Variants in KALRN observed in about 807,000 individuals in gnomAD.
KALRN encodes kalirin RhoGEF kinase.
Under a neutral mutation model 353.7 loss-of-function variants are expected in KALRN, and 70 were observed. The observed-to-expected ratio is 0.20, with a 90% CI of 0.16 to 0.24. KALRN has a LOEUF of 0.24. Among genes scored for constraint, KALRN ranks in the 10% least tolerant of loss-of-function variants. KALRN has a pLI of 1.00. For missense variants in KALRN, 2,791 were observed against 3,756.7 expected (o/e 0.74, Z 6.72); for synonymous variants, 1,391 against 1,434.8 (o/e 0.97, Z 0.69).
intron 3 of KALRN, among the ~76,000 whole-genome samples, chr3:124,256,837 C>G (rs779221335): frequency 6.6e-6 from 1 of 152,142 alleles, no homozygotes; most frequent in Admixed American, 6.6e-5. Context: ...GCAGAAACCT[C>G]GCAGTGATTT....
chr3:124,050,877 C>T (rs2040964103), intron 1 of KALRN, among the ~76,000 whole-genome samples: 1 of 152,186 alleles, frequency 6.6e-6, no homozygotes, highest in African/African-American at 2.4e-5. Flanking sequence ...TTGACGCTTT[C>T]TCTTTGCCTG....
chr3:124,610,421 G>A (rs1212083165), intron 34 of KALRN, among the ~76,000 whole-genome samples: 1 of 152,168 alleles, frequency 6.6e-6, no homozygotes, highest in East Asian at 1.9e-4. Context: ...AGGTAAGCAG[G>A]TTTAGGACTG....
At chr3:124,178,811 A>T (rs1411960393) in intron 1 of KALRN, among the ~76,000 whole-genome samples, 1 of 152,238 alleles carries the variant, frequency 6.6e-6, no homozygotes, top group Non-Finnish European at 1.5e-5. Context: ...AAATTTATTT[A>T]AATATTTTTA....
At chr3:124,549,355 A>G in intron 33 of KALRN, among the ~76,000 whole-genome samples, 1 of 149,078 alleles carries the variant, frequency 6.7e-6, no homozygotes, top group South Asian at 2.1e-4. Context: ...ACACATAATC[A>G]CACACACACA....
chr3:124,521,742 CAG>C (rs954133805), intron 33 of KALRN, among the ~76,000 whole-genome samples: 26 of 152,196 alleles, frequency 1.7e-4, no homozygotes, highest in Non-Finnish European at 2.9e-5. Context: ...AGAGCAGAAA[CAG>C]AGAGAGGCAA....
At chr3:124,563,297 A>G (rs1272417827) in intron 34 of KALRN, among the ~76,000 whole-genome samples, 2 of 152,228 alleles carry the variant, frequency 1.3e-5, no homozygotes, top group Non-Finnish European at 2.9e-5. Flanking sequence ...TGGGAAAGTC[A>G]TTTAGCCTTC....
In KALRN at chr3:124,495,955, G is replaced by GTATATATATA. The variant is rs1448727495; in HGVS notation, c.4833-355_4833-354insATATATATAT. 6.9e-4 allele frequency among the ~76,000 whole-genome samples: 19 copies of GTATATATATA among 27,462 alleles called. 1 individual carries two copies. The highest frequency in any genetic ancestry group is 2.5e-3 in the South Asian group (2 of 788). 18.0% of individuals were successfully genotyped at this position (27,462 alleles called of 152,430 possible). On this transcript the variant is annotated intron_variant, in intron 32 of 59. Coordinates refer to ENST00000682506, the MANE Select transcript of KALRN (RefSeq NM_001388419.1). ...CAGACCCGTTCCCAAGTGTGTGTAT[G>GTATATATATA]TGTATGTATGTATATATATATATAT...
In KALRN at chr3:124,094,625, G is replaced by A. The variant is rs1054627386; in HGVS notation, c.73+60812G>A. On this transcript the variant is annotated intron_variant, in intron 1 of 59. Transcript: ENST00000682506. ...GCAGGCTCGGTCTGCACACGGCGTTGTTCTGCACTTGTTCCTTTGTTGCTG... is the reference window on the plus strand; with the variant it reads ...GCAGGCTCGGTCTGCACACGGCGTTATTCTGCACTTGTTCCTTTGTTGCTG... 9.4e-5 allele frequency: 58 copies of A among 617,534 alleles called. No homozygotes were observed. The Admixed American group carries it at 1.3e-3, about 14-fold the overall frequency. The allele number at this position is 617,534 out of a possible 1,614,324, so 38.3% of individuals were successfully genotyped here.
In KALRN at chr3:124,719,023, C is replaced by T. The variant is rs764486697; in HGVS notation, c.8514C>T (p.His2838=). 165 of 1,614,026 alleles carry T rather than the reference C, an allele frequency of 1.0e-4. No individual in the cohort carries two copies. The highest frequency in any genetic ancestry group is 1.4e-4 in the Non-Finnish European group (160 of 1,180,024). The change falls in exon 60 of 60, where the codon CAC becomes CAT. Residue 2838 remains histidine (H), a synonymous_variant. Coordinates refer to ENST00000682506, the MANE Select transcript of KALRN (RefSeq NM_001388419.1). This position sits in a 1 kb window ranked among gnomAD's most constrained non-coding sequence, Gnocchi z 5.3. ...AVQISGHFHI[H]HLLGNPEFAA... ...AGATCTCGGGTCACTTCCACATTCA[C>T]CACCTGCTGGGGAACCCTGAGTTTG...
intron 3 of KALRN, among the ~76,000 whole-genome samples, chr3:124,245,957 A>G (rs1014433565): frequency 1.3e-5 from 2 of 152,068 alleles, no homozygotes; most frequent in African/African-American, 4.8e-5. Context: ...ATGACTTGCA[A>G]TGTTTGTCTT....
chr3:124,636,512 T>C (rs748927326), intron 36 of KALRN, among the ~76,000 whole-genome samples: 1 of 152,188 alleles, frequency 6.6e-6, no homozygotes, highest in Non-Finnish European at 1.5e-5. Context: ...AGTTCCTAGC[T>C]GCTTCAGGAC....
chr3:124,494,324 A>G (rs1331095717), intron 32 of KALRN, among the ~76,000 whole-genome samples: 1 of 152,160 alleles, frequency 6.6e-6, no homozygotes, highest in Non-Finnish European at 1.5e-5. Flanking sequence ...TTGGTTGGGG[A>G]ATACTACCCA....
chr3:124,073,796 C>T (rs2060132634), intron 1 of KALRN, among the ~76,000 whole-genome samples: 1 of 152,022 alleles, frequency 6.6e-6, no homozygotes, highest in African/African-American at 2.4e-5. Context: ...ATTAGGAGGG[C>T]CTGGATTCGA....
chr3:124,454,593 C>T (rs959756277), intron 21 of KALRN, among the ~76,000 whole-genome samples: 9 of 152,126 alleles, frequency 5.9e-5, no homozygotes, highest in African/African-American at 1.9e-4. Flanking sequence ...TTTAATACAC[C>T]AGCCCTCTGA....
At chr3:124,220,754 C>T (rs546756919) in intron 1 of KALRN, among the ~76,000 whole-genome samples, 30 of 152,304 alleles carry the variant, frequency 2.0e-4, no homozygotes, top group African/African-American at 6.7e-4. Flanking sequence ...CAGGAGGTTA[C>T]CCACAAACAT....
chr3:124,669,358 A>T (rs1442918388), intron 47 of KALRN, among the ~76,000 whole-genome samples: 3 of 152,350 alleles, frequency 2.0e-5, no homozygotes, highest in Middle Eastern at 3.4e-3. Context: ...AGTCAAAAAC[A>T]AACCCTGTAG....
chr3:124,152,217 A>C, intron 1 of KALRN: 1 of 1,584,030 alleles, frequency 6.3e-7, no homozygotes, highest in South Asian at 1.1e-5. Context: ...TGATTTTGCC[A>C]TAACCACGCT....
At chr3:124,597,926 TAGTGA>T (rs1390736908) in intron 34 of KALRN, among the ~76,000 whole-genome samples, 1 of 152,172 alleles carries the variant, frequency 6.6e-6, no homozygotes, top group Admixed American at 6.5e-5. Context: ...GTAGAGAAGA[TAGTGA>T]AGTGTAGGAC....
Position 124,113,393 on chromosome 3 carries a change from C to T in KALRN, c.73+79580C>T, listed in dbSNP as rs560521193. Among the ~76,000 whole-genome samples, 239 of 152,218 alleles carry T rather than the reference C, an allele frequency of 1.6e-3. 1 individual carries two copies. The highest frequency in any genetic ancestry group is 0.01 in the Middle Eastern group (3 of 294). On this transcript the variant is annotated intron_variant, in intron 1 of 59. Transcript: ENST00000682506. ...GGGATGGTGGAGTGGTTATAAGGTG[C>T]TCTGGGGACTGAAGGCTTAGGAAGG...
Sources: allele counts gnomAD v4.1 joint callset (sites outside exome capture counted in the v4.1 genomes callset), GRCh38; gene constraint gnomAD v4.1.1; non-coding constraint Gnocchi (gnomAD v3.1); transcripts MANE v1.5; gene names NCBI Gene and HGNC (gene_info 2026-07-23, HGNC 2026-07-21).